ZBTB7C: variants seen among roughly 807,000 people sequenced by gnomAD.
The protein encoded by ZBTB7C is zinc finger and BTB domain containing 7C.
A neutral mutation model predicts 25.7 loss-of-function variants in ZBTB7C; 8 were observed. That is an observed-to-expected ratio of 0.31 (90% CI 0.18 to 0.56). The LOEUF (loss-of-function observed/expected upper bound fraction) is 0.56. Among genes scored for constraint, ZBTB7C ranks in the 20% least tolerant of loss-of-function variants. ZBTB7C has a pLI of 0.91. For missense variants in ZBTB7C, 824 were observed against 855.2 expected (o/e 0.96, Z 0.46); for synonymous variants, 394 against 369.0 (o/e 1.07, Z -0.78).
intron 2 of ZBTB7C, among the ~76,000 whole-genome samples, chr18:48,293,014 G>A (rs1020696834): frequency 1.3e-5 from 2 of 152,202 alleles, no homozygotes; most frequent in African/African-American, 4.8e-5. Flanking sequence ...GACAGGAACT[G>A]TGTCTCACTC....
chr18:48,170,734 C>T lies in ZBTB7C; in HGVS notation c.-17+15200G>A, dbSNP rs542261763. Reference sequence around the variant, plus strand: ...ATGAAGTCATTCAAAGCCTGGGATCCGCAGGTGCCTCTCCCAGAGCCTTCC... The same window carrying T: ...ATGAAGTCATTCAAAGCCTGGGATCTGCAGGTGCCTCTCCCAGAGCCTTCC... On this transcript the variant is annotated intron_variant, in intron 3 of 4. Transcript: ENST00000590800. Among the ~76,000 whole-genome samples, 7 of 152,272 alleles carry T rather than the reference C, an allele frequency of 4.6e-5. No individual in the cohort carries two copies. The East Asian group carries it at 1.2e-3, about 25-fold the overall frequency.
chr18:48,367,285 T>C (rs2047258906), intron 1 of ZBTB7C, among the ~76,000 whole-genome samples: 3 of 138,660 alleles, frequency 2.2e-5, no homozygotes, highest in African/African-American at 8.0e-5. Flanking sequence ...TATATGTAAA[T>C]ATGTATCTAT....
At chr18:48,399,001 T>A (rs867263723) in intron 1 of ZBTB7C, among the ~76,000 whole-genome samples, 15 of 152,342 alleles carry the variant, frequency 9.8e-5, no homozygotes, top group Admixed American at 4.6e-4. Context: ...CTGGGTATTG[T>A]ATCAGCAAAA....
chr18:48,187,079 A>C lies in ZBTB7C; in HGVS notation c.-78-1084T>G, dbSNP rs2042073842. Reference sequence around the variant, plus strand: ...GTGTCCCTGGCAGAGGATACTGTGCAGCTCTGCTCAAGGGAGGAGGGTCTT... The same window carrying C: ...GTGTCCCTGGCAGAGGATACTGTGCCGCTCTGCTCAAGGGAGGAGGGTCTT... On this transcript the variant is annotated intron_variant, in intron 2 of 4. Coordinates refer to ENST00000590800, the MANE Select transcript of ZBTB7C (RefSeq NM_001318841.2). Among the ~76,000 whole-genome samples, 3 of 152,194 alleles carry C rather than the reference A, an allele frequency of 2.0e-5. No homozygotes were observed. In the South Asian group the frequency reaches 6.2e-4, roughly 32 times the overall value.
chr18:48,163,825 T>TC (rs1467117604), intron 3 of ZBTB7C, among the ~76,000 whole-genome samples: 2 of 152,168 alleles, frequency 1.3e-5, no homozygotes, highest in Non-Finnish European at 2.9e-5. Flanking sequence ...TGCCTTAGCT[T>TC]CACTACCAGA....
chr18:48,057,261 C>T lies in ZBTB7C; in HGVS notation c.-16-16138G>A, dbSNP rs2036956155. Among the ~76,000 whole-genome samples, 3 of 152,204 alleles carry T rather than the reference C, an allele frequency of 2.0e-5. No individual in the cohort carries two copies. In the South Asian group the frequency reaches 6.2e-4, roughly 32 times the overall value. ...CTTATAGATATATATCTTGCAATTTCACTACTGCCATATGTTCAACTTACA... is the reference window on the plus strand; with the variant it reads ...CTTATAGATATATATCTTGCAATTTTACTACTGCCATATGTTCAACTTACA... On this transcript the variant is annotated intron_variant, in intron 3 of 4. Coordinates refer to ENST00000590800, the MANE Select transcript of ZBTB7C (RefSeq NM_001318841.2).
chr18:48,133,900 C>A (rs2040064709), intron 3 of ZBTB7C, among the ~76,000 whole-genome samples: 1 of 152,126 alleles, frequency 6.6e-6, no homozygotes, highest in Admixed American at 6.6e-5. Flanking sequence ...CCTGGCTGAG[C>A]AAGGGCTGAG....
At chr18:48,112,260 CTT>C (rs1048802422) in intron 3 of ZBTB7C, among the ~76,000 whole-genome samples, 2,462 of 119,952 alleles carry the variant, frequency 0.021, 40 homozygotes, top group African/African-American at 0.059. Flanking sequence ...TAATTTTTTT[CTT>C]TTTTTTTTTT....
Position 48,040,711 on chromosome 18 carries a change from C to T in ZBTB7C, c.397G>A (p.Gly133Arg), listed in dbSNP as rs200362895. 2.0e-5 allele frequency: 33 copies of T among 1,613,734 alleles called. No homozygotes were observed. The highest frequency in any genetic ancestry group is 1.1e-4 in the East Asian group (5 of 44,840). ...CLEIMEPGGD[G>R]GEEDDKEDDD... ...TCCTCCTTGTCATCCTCCTCCCCCC[C>T]GTCCCCCCCAGGCTCCATGATCTCC... Residue 133 changes from glycine (G) to arginine (R), a missense_variant, in exon 4 of 5, where the codon GGG becomes AGG. Coordinates refer to ENST00000590800, the MANE Select transcript of ZBTB7C (RefSeq NM_001318841.2).
chr18:48,185,208 C>T (rs2042026535), intron 3 of ZBTB7C: 4 of 340,374 alleles, frequency 1.2e-5, no homozygotes, highest in African/African-American at 2.2e-5. Flanking sequence ...CCTGGAATGG[C>T]CTCCCTCCTC....
chr18:48,067,944 T>C (rs1362070022), intron 3 of ZBTB7C, among the ~76,000 whole-genome samples: 1 of 152,032 alleles, frequency 6.6e-6, no homozygotes, highest in African/African-American at 2.4e-5. Context: ...GAGTTTGCAG[T>C]GAGCCAAGAT....
chr18:48,351,776 A>G (rs1384518289), intron 1 of ZBTB7C, among the ~76,000 whole-genome samples: 1 of 152,328 alleles, frequency 6.6e-6, no homozygotes, highest in East Asian at 1.9e-4. Flanking sequence ...AGCCAGGCCT[A>G]CGGAACCCAA....
Position 48,259,816 on chromosome 18 carries a change from C to A in ZBTB7C, c.-78-73821G>T, listed in dbSNP as rs1005789259. ...AAAATCAAAACCACAATGATATATC[C>A]CTCCACAACAATTAGAATAGTGAAA... On this transcript the variant is annotated intron_variant, in intron 2 of 4. Coordinates refer to ENST00000590800, the MANE Select transcript of ZBTB7C (RefSeq NM_001318841.2). Among the ~76,000 whole-genome samples, 6 of 152,112 alleles carry A rather than the reference C, an allele frequency of 3.9e-5. No individual in the cohort carries two copies. The East Asian group carries it at 1.2e-3, about 29-fold the overall frequency.
chr18:48,176,627 G>GTGTGTGTGTGTA (rs1284395802), intron 3 of ZBTB7C, among the ~76,000 whole-genome samples: 1 of 152,028 alleles, frequency 6.6e-6, no homozygotes, highest in Non-Finnish European at 1.5e-5. Flanking sequence ...GTGTGTGTGT[G>GTGTGTGTGTGTA]TGTGTGTGTG....
intron 3 of ZBTB7C, among the ~76,000 whole-genome samples, chr18:48,134,270 T>C (rs2040078950): frequency 6.6e-6 from 1 of 152,178 alleles, no homozygotes; most frequent in South Asian, 2.1e-4. Context: ...TAGAGGTAGT[T>C]ATCTTAAACC....
At chr18:48,312,936 C>T (rs984295985) in intron 2 of ZBTB7C, among the ~76,000 whole-genome samples, 2 of 152,154 alleles carry the variant, frequency 1.3e-5, no homozygotes, top group African/African-American at 4.8e-5. Context: ...CCATGTGAAC[C>T]TTCTTGACCA....
chr18:48,370,394 C>A (rs1713519608), intron 1 of ZBTB7C, among the ~76,000 whole-genome samples: 1 of 152,000 alleles, frequency 6.6e-6, no homozygotes, highest in Non-Finnish European at 1.5e-5. Flanking sequence ...AAATGAAGAA[C>A]AGGTTTCCAG....
intron 2 of ZBTB7C, among the ~76,000 whole-genome samples, chr18:48,296,103 G>A (rs187069788): frequency 6.3e-4 from 96 of 152,266 alleles, no homozygotes; most frequent in African/African-American, 1.9e-3. Flanking sequence ...AAGATGGCCC[G>A]TGGCCTGGGC....
chr18:48,046,895 G>A (rs934821802), intron 3 of ZBTB7C, among the ~76,000 whole-genome samples: 1 of 152,238 alleles, frequency 6.6e-6, no homozygotes, highest in African/African-American at 2.4e-5. Context: ...GAAGCGCAAA[G>A]TGGATCTGAC....
Sources: gnomAD v4.1 joint callset for allele counts (sites outside exome capture counted in the v4.1 genomes callset) on GRCh38, gnomAD v4.1.1 for gene constraint, MANE v1.5 for transcripts, NCBI Gene and HGNC (gene_info 2026-07-23, HGNC 2026-07-21) for gene names.